LMBR1: variants seen among roughly 807,000 people sequenced by gnomAD.
LMBR1 encodes limb development membrane protein 1.
LMBR1 carries 52 observed loss-of-function variants against 73.9 expected under a neutral mutation model. The observed-to-expected ratio is 0.70, with a 90% confidence interval of 0.56 to 0.89. LMBR1 has a LOEUF of 0.89. Ranked by LOEUF, LMBR1 falls within the 40% of genes least tolerant of loss-of-function variation. The probability of loss-of-function intolerance (pLI) is 0.00; values close to 1 mark genes in which losing one functional copy is unlikely to be tolerated. For synonymous variants in LMBR1, 215 were observed against 209.4 expected, an observed-to-expected ratio of 1.03 and a Z score of -0.23; for missense variants, 539 against 579.8, an observed-to-expected ratio of 0.93 and a Z score of 0.72.
intron 1 of LMBR1, among the ~76,000 whole-genome samples, chr7:156,882,061 G>A (rs1038802968): frequency 6.6e-6 from 1 of 152,216 alleles, no homozygotes; most frequent in African/African-American, 2.4e-5. Context: ...TAGCAAAGAT[G>A]TGGAAACAAC....
intron 1 of LMBR1, among the ~76,000 whole-genome samples, chr7:156,842,907 T>C (rs573246123): frequency 6.6e-6 from 1 of 152,162 alleles, no homozygotes; most frequent in East Asian, 1.9e-4. Flanking sequence ...CCTAGCTCTC[T>C]CCTCCCCTTT....
At chr7:156,756,535 TATTTGGTCA>T in intron 8 of LMBR1, 70 bp from the exon 9 acceptor site, 1 of 765,816 alleles carries the variant, frequency 1.3e-6, no homozygotes. Flanking sequence ...CCATTTAGGC[TATTTGGTCA>T]ATTTATTTTA....
chr7:156,765,349 G>T, intron 5 of LMBR1, among the ~76,000 whole-genome samples: 1 of 152,042 alleles, frequency 6.6e-6, no homozygotes, highest in East Asian at 1.9e-4. Flanking sequence ...TTTTATAAGC[G>T]TCTGGCATGT....
intron 1 of LMBR1, among the ~76,000 whole-genome samples, chr7:156,886,725 G>C (rs1801970005): frequency 6.6e-6 from 1 of 152,172 alleles, no homozygotes; most frequent in African/African-American, 2.4e-5. Context: ...GAAACACCTT[G>C]AGGCAGTTAG....
intron 15 of LMBR1, among the ~76,000 whole-genome samples, chr7:156,693,899 G>A (rs1209386359): frequency 6.6e-6 from 1 of 152,134 alleles, no homozygotes; most frequent in African/African-American, 2.4e-5. Flanking sequence ...TCAATACAAT[G>A]CTAGCTAGCA....
chr7:156,832,603 T>C (rs1836882445), intron 3 of LMBR1, among the ~76,000 whole-genome samples: 1 of 152,238 alleles, frequency 6.6e-6, no homozygotes, highest in African/African-American at 2.4e-5. Flanking sequence ...CAATGCAGCA[T>C]GTATCAGTAC....
chr7:156,847,705 CA>C (rs1265888773), intron 1 of LMBR1, among the ~76,000 whole-genome samples: 1 of 152,134 alleles, frequency 6.6e-6, no homozygotes, highest in Non-Finnish European at 1.5e-5. Context: ...AGTAAAACAA[CA>C]AGATACCTGT....
intron 1 of LMBR1, among the ~76,000 whole-genome samples, chr7:156,884,849 A>G (rs1380986672): frequency 6.6e-6 from 1 of 152,228 alleles, no homozygotes; most frequent in Non-Finnish European, 1.5e-5. Context: ...CCCAACCACT[A>G]TTCCCAAGTG....
chr7:156,741,906 G>T (rs1818975380), intron 9 of LMBR1, among the ~76,000 whole-genome samples: 1 of 152,022 alleles, frequency 6.6e-6, no homozygotes, highest in African/African-American at 2.4e-5. Flanking sequence ...GGTCACAACA[G>T]AAGTCTTAAA....
rs1194019914 is a variant in LMBR1 at position 156,680,395 on chromosome 7, A to AGTGTGTGTGTGTGTGTGTGTGTGT, written c.*3682_*3683insACACACACACACACACACACACAC. ...GAGAGACAGAGAGAGAGAGAGAGAG[A>AGTGTGTGTGTGTGTGTGTGTGTGT]GAGAGAGAGTGTGTGTGTGTGTGTG... On this transcript the variant is annotated 3_prime_UTR_variant, in exon 17 of 17. Transcript: ENST00000353442. 1 of 138,086 alleles carries AGTGTGTGTGTGTGTGTGTGTGTGT rather than the reference A, an allele frequency of 7.2e-6. No homozygotes were observed. Among genetic ancestry groups the AGTGTGTGTGTGTGTGTGTGTGTGT allele is most frequent in the African/African-American group, 2.9e-5 (1 of 34,294 alleles). The allele number at this position is 138,086 out of a possible 1,614,324, so 8.6% of individuals were successfully genotyped here. A position where few individuals can be genotyped will look rare whatever the true frequency, so the allele number is the denominator to read the frequency against.
chr7:156,732,734 C>G (rs528132381), intron 10 of LMBR1, among the ~76,000 whole-genome samples: 1 of 152,260 alleles, frequency 6.6e-6, no homozygotes, highest in African/African-American at 2.4e-5. Flanking sequence ...ATACTTAACC[C>G]TAGAGGCAAT....
At position 156,858,926 on chromosome 7, in the gene LMBR1, CA is replaced by C. The variant is rs1390052335; in HGVS notation, c.67-22042del. ...TTCTCAACTTGATAAAGAATGTCTA[CA>C]AAAACCCCACAGCTAACATCATACT... On this transcript the variant is annotated intron_variant, in intron 1 of 16. Transcript: ENST00000353442. 4.6e-5 allele frequency among the ~76,000 whole-genome samples: 7 copies of C among 152,094 alleles called. No homozygotes were observed. The East Asian group carries it at 1.4e-3, about 29-fold the overall frequency.
intron 4 of LMBR1, among the ~76,000 whole-genome samples, chr7:156,802,606 C>G (rs1280136050): frequency 6.6e-6 from 1 of 152,132 alleles, no homozygotes; most frequent in Non-Finnish European, 1.5e-5. Flanking sequence ...TAATTTTTAA[C>G]AGCTTTATTG....
At chr7:156,783,989 T>G (rs113421507) in intron 5 of LMBR1, among the ~76,000 whole-genome samples, 1 of 143,014 alleles carries the variant, frequency 7.0e-6, no homozygotes, top group African/African-American at 2.8e-5. Context: ...TTATTTTGGG[T>G]TTTTTTCTGT....
intron 1 of LMBR1, among the ~76,000 whole-genome samples, chr7:156,839,864 T>C (rs1302450501): frequency 6.6e-6 from 1 of 152,152 alleles, no homozygotes; most frequent in African/African-American, 2.4e-5. Flanking sequence ...CGCTACCTTC[T>C]CCCAAAATTA....
intron 1 of LMBR1, among the ~76,000 whole-genome samples, chr7:156,882,374 G>A (rs775359792): frequency 1.3e-5 from 2 of 152,190 alleles, no homozygotes; most frequent in African/African-American, 4.8e-5. Flanking sequence ...GAGCCCAGGA[G>A]GTCAAGGCTG....
chr7:156,783,998 G>GTT (rs59262090), intron 5 of LMBR1, among the ~76,000 whole-genome samples: 8,362 of 135,930 alleles, frequency 0.062, 324 homozygotes, highest in African/African-American at 0.1. Flanking sequence ...GTTTTTTTCT[G>GTT]TTTTTTTTTT....
chr7:156,722,712 CT>C (rs928385189), intron 15 of LMBR1, among the ~76,000 whole-genome samples: 11 of 151,972 alleles, frequency 7.2e-5, no homozygotes, highest in African/African-American at 2.4e-4. Flanking sequence ...TTCCATCTTT[CT>C]TTTTTTTCTT....
At chr7:156,849,595 A>G (rs1464875077) in intron 1 of LMBR1, among the ~76,000 whole-genome samples, 1 of 152,216 alleles carries the variant, frequency 6.6e-6, no homozygotes, top group Non-Finnish European at 1.5e-5. Context: ...CAACATTTGT[A>G]TGATTCCAAC....
Sources: gnomAD v4.1 joint callset for allele counts (sites outside exome capture counted in the v4.1 genomes callset) on GRCh38, gnomAD v4.1.1 for gene constraint, MANE v1.5 for transcripts, NCBI Gene and HGNC (gene_info 2026-07-23, HGNC 2026-07-21) for gene names.